The following PRKN variants were observed in gnomAD, a reference collection of about 807,000 sequenced individuals.
PRKN encodes the protein parkin RBR E3 ubiquitin protein ligase, also known as E3 ubiquitin-protein ligase parkin.
A neutral mutation model predicts 59.5 loss-of-function variants in PRKN; 56 were observed. The ratio of observed to expected loss-of-function variants is 0.94; its 90% CI spans 0.76 to 1.18. The LOEUF is 1.18. PRKN is among the 50% of genes most tolerant of loss of function. PRKN has a pLI of 0.00. For synonymous variants in PRKN, 250 were observed against 222.1 expected, an observed-to-expected ratio of 1.13 and a Z score of -1.12; for missense variants, 657 against 596.4, an observed-to-expected ratio of 1.10 and a Z score of -1.06.
intron 7 of PRKN, among the ~76,000 whole-genome samples, chr6:161,706,710 AC>A (rs1786515343): frequency 6.6e-6 from 1 of 152,068 alleles, no homozygotes; most frequent in South Asian, 2.1e-4. Context: ...GGCGTGTACC[AC>A]CACACACAGC....
chr6:162,402,668 T>A (rs926452424), intron 2 of PRKN, among the ~76,000 whole-genome samples: 1 of 151,844 alleles, frequency 6.6e-6, no homozygotes, highest in Admixed American at 6.6e-5. Context: ...TCCTTTTTTT[T>A]TTTTTAAGAC....
chr6:161,928,921 A>G (rs1233795525), intron 6 of PRKN, among the ~76,000 whole-genome samples: 5 of 152,182 alleles, frequency 3.3e-5, no homozygotes, highest in Non-Finnish European at 7.3e-5. Context: ...AGCACCTCAA[A>G]AAGTTAAACA....
chr6:162,385,380 T>C (rs1027537108), intron 2 of PRKN, among the ~76,000 whole-genome samples: 7 of 152,216 alleles, frequency 4.6e-5, no homozygotes, highest in African/African-American at 9.6e-5. Flanking sequence ...AAGACAATCA[T>C]ACATAAATGT....
intron 7 of PRKN, among the ~76,000 whole-genome samples, chr6:161,644,135 G>A (rs1185565078): frequency 6.6e-6 from 1 of 151,932 alleles, no homozygotes; most frequent in Non-Finnish European, 1.5e-5. Context: ...TTTTTGAGAG[G>A]GGTTCTAACT....
chr6:162,355,024 A>C (rs1405355872), intron 2 of PRKN, among the ~76,000 whole-genome samples: 2 of 152,148 alleles, frequency 1.3e-5, no homozygotes, highest in Admixed American at 6.6e-5. Context: ...AATACTCATT[A>C]AATGGAACTA....
At chr6:162,102,998 G>A (rs1336852647) in intron 4 of PRKN, among the ~76,000 whole-genome samples, 5 of 147,902 alleles carry the variant, frequency 3.4e-5, no homozygotes, top group East Asian at 2.0e-4. Context: ...AGCAGAGATC[G>A]CGCCACTGCA....
intron 1 of PRKN, among the ~76,000 whole-genome samples, chr6:162,477,244 C>A (rs1792065353): frequency 6.6e-6 from 1 of 152,178 alleles, no homozygotes; most frequent in African/African-American, 2.4e-5. Context: ...TGCCCACCAA[C>A]TTCTATCCTG....
In PRKN at chr6:161,499,652, G is replaced by T. The variant is rs1777883439; in HGVS notation, c.1083+49202C>A. On this transcript the variant is annotated intron_variant, in intron 9 of 11. Transcript: ENST00000366898. This position sits in a 1 kb window ranked among gnomAD's most constrained non-coding sequence, Gnocchi z 4.2. ...TGCAGGTTTCATTTCAGACCTACTG[G>T]ATTCGAGGTGGTGGTGGTTTCTGCA... Among the ~76,000 whole-genome samples the T allele has an allele frequency of 6.6e-6, 1 of 152,184 alleles. No individual in the cohort carries two copies. The highest frequency in any genetic ancestry group is 2.1e-4 in the South Asian group (1 of 4,834).
At position 162,261,276 on chromosome 6, in the gene PRKN, T is replaced by A. The variant is rs373508713; in HGVS notation, c.412+1249A>T. Among the ~76,000 whole-genome samples, 5 of 152,304 alleles carry A rather than the reference T, an allele frequency of 3.3e-5. No homozygotes were observed. In the East Asian group the frequency reaches 9.7e-4, roughly 29 times the overall value. ...CCTTACAAAAGGGTCACTTCTACTC[T>A]GTTTTTAGAGCTTTTCCTGTGTCTA... On this transcript the variant is annotated intron_variant, in intron 3 of 11. Transcript: ENST00000366898.
intron 7 of PRKN, among the ~76,000 whole-genome samples, chr6:161,631,795 C>CA (rs1783324977): frequency 9.9e-6 from 1 of 100,988 alleles, no homozygotes; most frequent in Non-Finnish European, 2.2e-5. Context: ...ACACACACAC[C>CA]CCACACACAC....
intron 7 of PRKN, among the ~76,000 whole-genome samples, chr6:161,678,944 T>C (rs1422311436): frequency 6.6e-6 from 1 of 152,158 alleles, no homozygotes; most frequent in Non-Finnish European, 1.5e-5. Context: ...CATTTCACGA[T>C]GCTTATTGGT....
At chr6:161,890,441 A>G (rs1359118512) in intron 6 of PRKN, among the ~76,000 whole-genome samples, 2 of 152,174 alleles carry the variant, frequency 1.3e-5, no homozygotes, top group Non-Finnish European at 2.9e-5. Flanking sequence ...GGGTTCCACA[A>G]CGGAGACGAG....
intron 1 of PRKN, among the ~76,000 whole-genome samples, chr6:162,580,549 G>T (rs1780749896): frequency 6.8e-6 from 1 of 147,372 alleles, no homozygotes; most frequent in South Asian, 2.2e-4. Context: ...GTATTAGGAG[G>T]ATAACAATGG....
chr6:161,653,882 G>A (rs1784240560), intron 7 of PRKN, among the ~76,000 whole-genome samples: 1 of 152,210 alleles, frequency 6.6e-6, no homozygotes, highest in Non-Finnish European at 1.5e-5. Context: ...TGGCCGGCCA[G>A]CCTTCAGGGA....
At chr6:161,443,435 C>T (rs554723656) in intron 9 of PRKN, among the ~76,000 whole-genome samples, 3 of 152,242 alleles carry the variant, frequency 2.0e-5, no homozygotes, top group East Asian at 1.9e-4. Context: ...CTAAATCAAG[C>T]GCAGGAGTTT....
At chr6:162,634,407 G>T (rs1467546589) in intron 1 of PRKN, among the ~76,000 whole-genome samples, 2 of 152,056 alleles carry the variant, frequency 1.3e-5, no homozygotes, top group Non-Finnish European at 2.9e-5. Context: ...ACACCCTGAG[G>T]ACTCAAACCA....
chr6:162,296,212 TCCCCCCACCCCCTTCTATG>T (rs1237286562), intron 2 of PRKN, among the ~76,000 whole-genome samples: 5 of 80,986 alleles, frequency 6.2e-5, no homozygotes, highest in African/African-American at 9.9e-5. Flanking sequence ...AATGTGCCCA[TCCCCCCACCCCCTTCTATG>T]CCCCCCACCC....
chr6:161,483,869 C>A lies in PRKN; in HGVS notation c.1083+64985G>T, dbSNP rs1440149904. On this transcript the variant is annotated intron_variant, in intron 9 of 11. Coordinates refer to ENST00000366898, the MANE Select transcript of PRKN (RefSeq NM_004562.3). This position sits in a 1 kb window ranked among gnomAD's most constrained non-coding sequence, Gnocchi z 5.0. ...CCATAAAAAGGAACAAGACCATATC[C>A]TTTGCAGGGACATGGATGAAGCTGG... is the stretch of plus-strand genomic sequence containing the variant. Among the ~76,000 whole-genome samples the A allele has an allele frequency of 6.6e-6, 1 of 152,190 alleles. No individual in the cohort carries two copies. The highest frequency in any genetic ancestry group is 2.4e-5 in the African/African-American group (1 of 41,448).
chr6:161,833,467 C>T (rs1202757373), intron 6 of PRKN, among the ~76,000 whole-genome samples: 1 of 152,214 alleles, frequency 6.6e-6, no homozygotes, highest in African/African-American at 2.4e-5. Context: ...GACTAAATGT[C>T]TCTAGCTATA....
Sources: allele counts gnomAD v4.1 joint callset (sites outside exome capture counted in the v4.1 genomes callset), GRCh38; gene constraint gnomAD v4.1.1; non-coding constraint Gnocchi (gnomAD v3.1); transcripts MANE v1.5; gene names NCBI Gene and HGNC (gene_info 2026-07-23, HGNC 2026-07-21).